The following EFCAB6 variants were observed in gnomAD, a reference collection of about 807,000 sequenced individuals.
EFCAB6 encodes the protein EF-hand calcium-binding domain-containing protein 6.
In EFCAB6, 156 loss-of-function variants were observed where a neutral mutation model predicts 169.8. The ratio of observed to expected loss-of-function variants is 0.92; its 90% CI spans 0.81 to 1.05. The LOEUF (loss-of-function observed/expected upper bound fraction) is 1.05, where lower values mean the gene tolerates loss of function less well. EFCAB6 is among the 50% of genes least tolerant of loss of function. The pLI is 0.00. For missense variants in EFCAB6, 1,800 were observed against 1,829.1 expected (o/e 0.98, Z 0.29); for synonymous variants, 698 against 676.4 (o/e 1.03, Z -0.50).
At chr22:43,641,905 ATG>A (rs774449016) in intron 17 of EFCAB6, among the ~76,000 whole-genome samples, 2 of 152,164 alleles carry the variant, frequency 1.3e-5, no homozygotes, top group Non-Finnish European at 1.5e-5. Flanking sequence ...GATTTAAAGG[ATG>A]CACCCTGAGG....
rs1035233836 is a variant in EFCAB6 at position 43,567,879 on chromosome 22, T to G, written c.3420+8418A>C. ...TCAGTTCCAAGCTCCTGCCAGCCGGTGCTGGAAATGGAGACTGTTTGACTC... is the reference window on the plus strand; with the variant it reads ...TCAGTTCCAAGCTCCTGCCAGCCGGGGCTGGAAATGGAGACTGTTTGACTC... On this transcript the variant is annotated intron_variant, in intron 26 of 31. Coordinates refer to ENST00000262726, the MANE Select transcript of EFCAB6 (RefSeq NM_022785.4). Among the ~76,000 whole-genome samples the G allele has an allele frequency of 7.2e-5, 11 of 152,170 alleles. No individual in the cohort carries two copies. In the South Asian group the frequency reaches 2.3e-3, roughly 31 times the overall value.
intron 21 of EFCAB6, among the ~76,000 whole-genome samples, chr22:43,613,966 G>C (rs2053506620): frequency 6.6e-6 from 1 of 151,820 alleles, no homozygotes; most frequent in Admixed American, 6.6e-5. Flanking sequence ...TTATATGCAA[G>C]AGCTATATAA....
At chr22:43,710,100 A>C (rs1437360304) in intron 10 of EFCAB6, among the ~76,000 whole-genome samples, 1 of 152,318 alleles carries the variant, frequency 6.6e-6, no homozygotes, top group Non-Finnish European at 1.5e-5. Context: ...CCCCCAAAAA[A>C]GGTTCTCTGT....
In EFCAB6 at chr22:43,608,561, G is replaced by A. The variant is rs369031858; in HGVS notation, c.2602C>T (p.Arg868Ter). 29 of 1,614,030 alleles carry A rather than the reference G, an allele frequency of 1.8e-5. No individual in the cohort carries two copies. The highest frequency in any genetic ancestry group is 1.3e-4 in the South Asian group (12 of 91,078). Residue 868 changes from arginine (R) to a stop codon, truncating the protein, a stop_gained, in exon 22 of 32, where the codon CGA becomes TGA. Transcript: ENST00000262726. LOFTEE classifies it high-confidence loss of function. ...AGTGCGTTCTTTATGTCCCGGCGTC[G>A]AAGAATGCCATTGCCCTCATTATCG... ...ETDNEGNGIL[R>*]RRDIKNALYG...
Position 43,528,910 on chromosome 22 carries a change from A to C in EFCAB6, c.4449T>G (p.Asp1483Glu), listed in dbSNP as rs755910465. ...AGGAGATTTTTGAAGACAGCGTCTTATCGTAATACTCCAGAATATGGAAGA... is the reference window on the plus strand; with the variant it reads ...AGGAGATTTTTGAAGACAGCGTCTTCTCGTAATACTCCAGAATATGGAAGA... The part of the protein sequence containing the change: ...EEFFHILEYY[D>E]KTLSSKISYN... Residue 1483 changes from aspartate (D) to glutamate (E), a missense_variant, in exon 32 of 32, where the codon GAT becomes GAG. Transcript: ENST00000262726. 3 of 1,611,724 alleles carry C rather than the reference A, an allele frequency of 1.9e-6. No homozygotes were observed. In the Admixed American group the frequency reaches 5.0e-5, roughly 27 times the overall value.
At chr22:43,542,309 G>T (rs1314663991) in intron 27 of EFCAB6, among the ~76,000 whole-genome samples, 1 of 152,254 alleles carries the variant, frequency 6.6e-6, no homozygotes, top group African/African-American at 2.4e-5. Context: ...GCTGGGTGCA[G>T]TGGCTCACGC....
chr22:43,791,012 A>C (rs2062266582), intron 2 of EFCAB6, among the ~76,000 whole-genome samples: 1 of 152,174 alleles, frequency 6.6e-6, no homozygotes, highest in South Asian at 2.1e-4. Flanking sequence ...TTGGACATTC[A>C]AGTTTAAGAT....
chr22:43,610,325 T>C (rs1256891431), intron 21 of EFCAB6, among the ~76,000 whole-genome samples: 1 of 152,224 alleles, frequency 6.6e-6, no homozygotes, highest in African/African-American at 2.4e-5. Flanking sequence ...ACAGTTTCTG[T>C]TGACCAATGA....
intron 17 of EFCAB6, among the ~76,000 whole-genome samples, chr22:43,662,000 A>G (rs1416514221): frequency 1.3e-5 from 2 of 151,658 alleles, no homozygotes; most frequent in East Asian, 3.9e-4. Context: ...TATGGTGAAA[A>G]CTTGTCTACT....
rs773394545 is a variant in EFCAB6 at position 43,802,133 on chromosome 22, G to A, written c.-8+6862C>T. 5.0e-4 allele frequency among the ~76,000 whole-genome samples: 76 copies of A among 152,138 alleles called. 1 individual carries two copies. Among genetic ancestry groups the A allele is most frequent in the Non-Finnish European group, 1.5e-4 (10 of 68,030 alleles). On this transcript the variant is annotated intron_variant, in intron 2 of 31. Transcript: ENST00000262726. ...AAGCAGTGTGAAAAAGAGGTGAGAT[G>A]TCCCCTGAACTGACAAGAGGCTGTG...
At chr22:43,722,309 G>A (rs982793768) in intron 8 of EFCAB6, among the ~76,000 whole-genome samples, 1 of 151,878 alleles carries the variant, frequency 6.6e-6, no homozygotes, top group East Asian at 1.9e-4. Context: ...GGCAGATCAC[G>A]AGGTCAAGAG....
chr22:43,741,523 T>A (rs2060370950), intron 6 of EFCAB6, among the ~76,000 whole-genome samples: 1 of 152,238 alleles, frequency 6.6e-6, no homozygotes, highest in Non-Finnish European at 1.5e-5. Flanking sequence ...CTTCTTAGCA[T>A]TCATCAACAC....
intron 10 of EFCAB6, among the ~76,000 whole-genome samples, chr22:43,688,277 T>C (rs1254050387): frequency 6.6e-6 from 1 of 152,226 alleles, no homozygotes; most frequent in Non-Finnish European, 1.5e-5. Context: ...GATTCCTTGA[T>C]TCTAGCCCAG....
At chr22:43,755,711 T>TA in intron 6 of EFCAB6, 55 bp downstream of exon 6, 1 of 1,482,158 alleles carries the variant, frequency 6.7e-7, no homozygotes, top group South Asian at 1.3e-5. Context: ...CACTAACAAT[T>TA]ACTGCTGACA....
At chr22:43,711,995 G>A (rs2059179114) in intron 9 of EFCAB6, among the ~76,000 whole-genome samples, 2 of 152,032 alleles carry the variant, frequency 1.3e-5, no homozygotes, top group African/African-American at 4.8e-5. Context: ...GATTAAATCA[G>A]GCCAATCAAA....
intron 22 of EFCAB6, among the ~76,000 whole-genome samples, chr22:43,603,959 TGTTCTCGTGATATTGA>T (rs1421564041): frequency 6.6e-6 from 1 of 152,226 alleles, no homozygotes; most frequent in Admixed American, 6.5e-5. Context: ...CTCATTGTGC[TGTTCTCGTGATATTGA>T]GTTCTCATGA....
chr22:43,624,544 A>G (rs1259194676), intron 20 of EFCAB6, among the ~76,000 whole-genome samples: 3 of 152,048 alleles, frequency 2.0e-5, no homozygotes, highest in Non-Finnish European at 4.4e-5. Context: ...TGATCTCGCA[A>G]ATGCTCTTCC....
At chr22:43,531,504 C>T (rs2047066108) in intron 30 of EFCAB6, among the ~76,000 whole-genome samples, 2 of 152,146 alleles carry the variant, frequency 1.3e-5, no homozygotes, top group Admixed American at 1.3e-4. Flanking sequence ...GTGATTACTT[C>T]ATTTAGGTGC....
intron 13 of EFCAB6, among the ~76,000 whole-genome samples, chr22:43,677,374 G>A (rs112374923): frequency 0.011 from 1,633 of 152,250 alleles, 6 homozygotes; most frequent in Non-Finnish European, 0.014. Context: ...GTGGCCAGGC[G>A]CGGTGGCTCA....
Sources: gnomAD v4.1 joint callset for allele counts (sites outside exome capture counted in the v4.1 genomes callset) on GRCh38, gnomAD v4.1.1 for gene constraint, MANE v1.5 for transcripts, NCBI Gene and HGNC (gene_info 2026-07-23, HGNC 2026-07-21) for gene names.